SCAPER: variants seen among roughly 807,000 people sequenced by gnomAD.
SCAPER encodes the protein S-phase cyclin A associated protein in the ER, also known as S phase cyclin A-associated protein in the endoplasmic reticulum.
SCAPER carries 98 observed loss-of-function variants against 182.2 expected under a neutral mutation model. That is an observed-to-expected ratio of 0.54 (90% CI 0.46 to 0.64). The LOEUF is 0.64. Among genes scored for constraint, SCAPER ranks in the 30% least tolerant of loss-of-function variants. The pLI is 0.00. For missense variants in SCAPER, 1,432 were observed against 1,690.0 expected, an observed-to-expected ratio of 0.85 and a Z score of 2.68; for synonymous variants, 605 against 564.6, an observed-to-expected ratio of 1.07 and a Z score of -1.01.
chr15:76,377,558 ATTGAT>A (rs1231876642), intron 28 of SCAPER, among the ~76,000 whole-genome samples: 1 of 152,228 alleles, frequency 6.6e-6, no homozygotes, highest in Non-Finnish European at 1.5e-5. Context: ...AAGTCAGTAC[ATTGAT>A]TTGTTTCCTG....
chr15:76,561,716 C>CTT (rs142468278), intron 23 of SCAPER, among the ~76,000 whole-genome samples: 1 of 146,192 alleles, frequency 6.8e-6, no homozygotes, highest in African/African-American at 2.5e-5. Context: ...CTCTACCTCA[C>CTT]TTTTTTTTTT....
At chr15:76,548,011 G>A (rs2045438012) in intron 23 of SCAPER, among the ~76,000 whole-genome samples, 1 of 151,890 alleles carries the variant, frequency 6.6e-6, no homozygotes, top group African/African-American at 2.4e-5. Flanking sequence ...ATTGTATTGA[G>A]TTTATCAAAC....
intron 23 of SCAPER, among the ~76,000 whole-genome samples, chr15:76,558,556 T>C (rs1316953116): frequency 6.6e-6 from 1 of 152,160 alleles, no homozygotes; most frequent in Non-Finnish European, 1.5e-5. Flanking sequence ...AGAAAAGGGA[T>C]TGCTTATATA....
At chr15:76,854,201 G>T (rs192483728) in intron 4 of SCAPER, among the ~76,000 whole-genome samples, 1 of 151,838 alleles carries the variant, frequency 6.6e-6, no homozygotes. Flanking sequence ...CCCAGGAGGC[G>T]GAGGTTGTGG....
At chr15:76,499,820 A>C (rs1213938346) in intron 24 of SCAPER, among the ~76,000 whole-genome samples, 1 of 152,184 alleles carries the variant, frequency 6.6e-6, no homozygotes, top group Admixed American at 6.5e-5. Context: ...ACTTGGCTAA[A>C]ATTTACCAAG....
intron 1 of SCAPER, among the ~76,000 whole-genome samples, chr15:76,893,909 A>G (rs1321005343): frequency 1.3e-5 from 2 of 152,230 alleles, no homozygotes; most frequent in African/African-American, 4.8e-5. Context: ...TATGGAATAC[A>G]ATAAAAGCAG....
chr15:76,706,127 G>T, intron 17 of SCAPER, 143 bp from the exon 18 acceptor site: 1 of 532,586 alleles, frequency 1.9e-6, no homozygotes, highest in Non-Finnish European at 3.1e-6. Flanking sequence ...TGCCTACTAA[G>T]TCTCAGGTAT....
At chr15:76,752,317 C>A (rs2062139110) in intron 15 of SCAPER, among the ~76,000 whole-genome samples, 1 of 151,752 alleles carries the variant, frequency 6.6e-6, no homozygotes, top group Non-Finnish European at 1.5e-5. Flanking sequence ...TAGAAAACAG[C>A]ATGGTGATTC....
At chr15:76,780,645 T>A (rs957588427) in intron 8 of SCAPER, among the ~76,000 whole-genome samples, 7 of 152,118 alleles carry the variant, frequency 4.6e-5, no homozygotes, top group Non-Finnish European at 8.8e-5. Flanking sequence ...AGACACCTCA[T>A]GCAGGTGAGT....
At chr15:76,386,046 C>A (rs2043267573) in intron 27 of SCAPER, among the ~76,000 whole-genome samples, 1 of 152,214 alleles carries the variant, frequency 6.6e-6, no homozygotes, top group African/African-American at 2.4e-5. Flanking sequence ...TTTCCACCTT[C>A]TAGAATATGC....
At chr15:76,536,278 C>A (rs1459131335) in intron 23 of SCAPER, among the ~76,000 whole-genome samples, 1 of 152,080 alleles carries the variant, frequency 6.6e-6, no homozygotes, top group African/African-American at 2.4e-5. Flanking sequence ...AGGCTCACTT[C>A]AGCTCAAGAG....
At chr15:76,902,358 T>C (rs967683400) in intron 1 of SCAPER, among the ~76,000 whole-genome samples, 9 of 152,308 alleles carry the variant, frequency 5.9e-5, no homozygotes, top group Admixed American at 5.2e-4. Flanking sequence ...AAGGGGAGCA[T>C]GGGCTGAAAG....
At chr15:76,875,921 G>T (rs976775624) in intron 2 of SCAPER, among the ~76,000 whole-genome samples, 10 of 151,916 alleles carry the variant, frequency 6.6e-5, no homozygotes, top group Non-Finnish European at 1.3e-4. Flanking sequence ...ACCCCACGGT[G>T]GGGGGCGGGG....
intron 10 of SCAPER, among the ~76,000 whole-genome samples, chr15:76,769,277 C>A (rs2063305958): frequency 6.6e-6 from 1 of 150,998 alleles, no homozygotes. Context: ...CCCGTTTCTA[C>A]TAAAAAATAC....
At chr15:76,834,401 G>C (rs1391822398) in intron 5 of SCAPER, among the ~76,000 whole-genome samples, 1 of 152,074 alleles carries the variant, frequency 6.6e-6, no homozygotes, top group Non-Finnish European at 1.5e-5. Flanking sequence ...AAGTTAGAAA[G>C]ATCTAAAATT....
chr15:76,504,517 T>C (rs552827988), intron 24 of SCAPER, among the ~76,000 whole-genome samples: 63 of 152,364 alleles, frequency 4.1e-4, no homozygotes, highest in African/African-American at 1.5e-3. Context: ...TCACCTCTTT[T>C]TTCACATGTA....
rs566687197 is a variant in SCAPER, at chr15:76,771,654, T to A, written c.1248+88A>T. ...ATAAAAATGCTTTAAAAAGTATAAA[T>A]CATACAAGTTATTATTATTGGGGTT... On this transcript the variant is annotated intron_variant, in intron 10 of 31. Transcript: ENST00000563290. 4.4e-6 allele frequency: 4 copies of A among 918,912 alleles called. No individual in the cohort carries two copies. In the East Asian group the frequency reaches 9.9e-5, roughly 23 times the overall value. 56.9% of individuals were successfully genotyped at this position (918,912 alleles called of 1,614,324 possible).
intron 30 of SCAPER, 100 bp from the exon 31 acceptor site, chr15:76,351,388 G>T: frequency 9.9e-7 from 1 of 1,006,480 alleles, no homozygotes; most frequent in Non-Finnish European, 1.4e-6. Flanking sequence ...AACCACTTTT[G>T]TATGAATATT....
chr15:76,894,947 A>C (rs1379522764), intron 1 of SCAPER, among the ~76,000 whole-genome samples: 1 of 152,322 alleles, frequency 6.6e-6, no homozygotes, highest in Middle Eastern at 3.4e-3. Context: ...GGCGAATTCT[A>C]CCAAACATTT....
Sources: allele counts gnomAD v4.1 joint callset (sites outside exome capture counted in the v4.1 genomes callset), GRCh38; gene constraint gnomAD v4.1.1; transcripts MANE v1.5; gene names NCBI Gene and HGNC (gene_info 2026-07-23, HGNC 2026-07-21).